The following DACH2 variants were observed in gnomAD, a reference collection of about 807,000 sequenced individuals.
The protein encoded by DACH2 is dachshund homolog 2.
In DACH2, 17 loss-of-function variants were observed where a neutral mutation model predicts 35.8. The observed-to-expected ratio is 0.48, with a 90% CI of 0.33 to 0.71. The LOEUF (loss-of-function observed/expected upper bound fraction) is 0.71. Among genes scored for constraint, DACH2 ranks in the 30% least tolerant of loss-of-function variants. DACH2 has a pLI of 0.02. For missense variants in DACH2, 469 were observed against 472.7 expected (o/e 0.99, Z 0.07); for synonymous variants, 195 against 177.3 (o/e 1.10, Z -0.79).
rs768021567 is a variant in DACH2 at position 86,832,099 on chromosome X, T to A, written c.1751-7T>A. 8.5e-7 allele frequency: 1 copy of A among 1,171,754 alleles called. No homozygotes were observed. Among genetic ancestry groups the A allele is most frequent in the Non-Finnish European group, 1.2e-6 (1 of 863,096 alleles). ...ATAAGAACTAACTTGTTTTCTTTTT[T>A]TTTAAGGAGGTAACTATTACTGTTT... On this transcript the variant is annotated splice_polypyrimidine_tract_variant and splice_region_variant and intron_variant, in intron 11 of 11. Transcript: ENST00000373125.
chrX:86,366,221 T>G (rs1411783694), intron 1 of DACH2, among the ~76,000 whole-genome samples: 1 of 110,822 alleles, frequency 9.0e-6, no homozygotes, highest in Non-Finnish European at 1.9e-5. Context: ...CAATGCACAC[T>G]CATGGGGTTA....
At chrX:86,465,932 A>G (rs1457652043) in intron 2 of DACH2, among the ~76,000 whole-genome samples, 1 of 111,798 alleles carries the variant, frequency 8.9e-6, no homozygotes, top group Non-Finnish European at 1.9e-5. Context: ...TGTACAATCG[A>G]TATGCAAACC....
intron 3 of DACH2, among the ~76,000 whole-genome samples, chrX:86,649,275 A>G (rs1170702714): frequency 9.0e-6 from 1 of 110,918 alleles, no homozygotes; most frequent in Non-Finnish European, 1.9e-5. Context: ...GGAAGCATAT[A>G]TTGTTCACTG....
At chrX:86,604,339 T>A (rs1297148310) in intron 3 of DACH2, among the ~76,000 whole-genome samples, 2 of 111,345 alleles carry the variant, frequency 1.8e-5, no homozygotes, top group Non-Finnish European at 3.8e-5. Context: ...CTTACTTTTA[T>A]GCTGTCTATT....
intron 7 of DACH2, among the ~76,000 whole-genome samples, chrX:86,752,371 A>G (rs1378421244): frequency 9.0e-6 from 1 of 111,656 alleles, no homozygotes; most frequent in Non-Finnish European, 1.9e-5. Context: ...CCAACTTTTC[A>G]TATATCTATT....
intron 4 of DACH2, among the ~76,000 whole-genome samples, chrX:86,667,083 TA>T (rs66948603): frequency 0.29 from 16,106 of 55,615 alleles, 2,416 homozygotes; most frequent in Middle Eastern, 0.45. Context: ...CCATCTCTAC[TA>T]AAAAAAAAAA....
intron 1 of DACH2, among the ~76,000 whole-genome samples, chrX:86,296,118 G>A (rs1361403237): frequency 4.6e-5 from 5 of 109,028 alleles, no homozygotes; most frequent in South Asian, 4.0e-4. Flanking sequence ...GGTGGCTCAC[G>A]CTTGTAATCT....
chrX:86,429,813 T>C (rs2036957347), intron 2 of DACH2, among the ~76,000 whole-genome samples: 1 of 111,962 alleles, frequency 8.9e-6, no homozygotes, highest in African/African-American at 3.2e-5. Flanking sequence ...TCTGCCTGCC[T>C]CAGCCTCCCA....
intron 2 of DACH2, among the ~76,000 whole-genome samples, chrX:86,505,749 T>C (rs971269046): frequency 8.9e-6 from 1 of 112,049 alleles, no homozygotes; most frequent in African/African-American, 3.2e-5. Flanking sequence ...TTTATTTATC[T>C]TTCAATTTTC....
At chrX:86,321,474 ATAAT>A (rs767257544) in intron 1 of DACH2, among the ~76,000 whole-genome samples, 9 of 111,864 alleles carry the variant, frequency 8.0e-5, no homozygotes, top group Non-Finnish European at 1.7e-4. Flanking sequence ...ACAGTTTAGA[ATAAT>A]TAAGAGGTTT....
chrX:86,237,529 T>A lies in DACH2; in HGVS notation c.488+88421T>A, dbSNP rs755993692. 1.9e-3 allele frequency among the ~76,000 whole-genome samples: 215 copies of A among 111,229 alleles called. 1 individual carries two copies. Among genetic ancestry groups the A allele is most frequent in the African/African-American group, 6.7e-3 (206 of 30,602 alleles). Reference sequence around the variant, plus strand: ...GGGATCCCTGGGGTGTGCTTTGTCATCCAGAAACCTCTGTGTCTGGTGGCG... The same window carrying A: ...GGGATCCCTGGGGTGTGCTTTGTCAACCAGAAACCTCTGTGTCTGGTGGCG... On this transcript the variant is annotated intron_variant, in intron 1 of 11. Coordinates refer to ENST00000373125, the MANE Select transcript of DACH2 (RefSeq NM_053281.3).
At chrX:86,492,881 T>G (rs1379793547) in intron 2 of DACH2, among the ~76,000 whole-genome samples, 1 of 112,122 alleles carries the variant, frequency 8.9e-6, no homozygotes, top group Non-Finnish European at 1.9e-5. Context: ...TGATTTTATG[T>G]CTTTGCTATT....
chrX:86,458,246 C>T (rs1387067065), intron 2 of DACH2, among the ~76,000 whole-genome samples: 2 of 111,188 alleles, frequency 1.8e-5, no homozygotes, highest in Non-Finnish European at 3.8e-5. Context: ...TAAAAGTTTC[C>T]AATAAAAAGG....
At position 86,437,767 on chromosome X, in the gene DACH2, C is replaced by T. The variant is rs1370304343; in HGVS notation, c.527+60905C>T. On this transcript the variant is annotated intron_variant, in intron 2 of 11. Coordinates refer to ENST00000373125, the MANE Select transcript of DACH2 (RefSeq NM_053281.3). ...GAGTGCAGATATTGCTTTGCTACACCGGTTTCTTTTCTTTTGGATAAATAA... is the reference window on the plus strand; with the variant it reads ...GAGTGCAGATATTGCTTTGCTACACTGGTTTCTTTTCTTTTGGATAAATAA... Among the ~76,000 whole-genome samples the T allele has an allele frequency of 3.6e-5, 4 of 109,670 alleles. No homozygotes were observed. The South Asian group carries it at 1.1e-3, about 31-fold the overall frequency.
intron 3 of DACH2, among the ~76,000 whole-genome samples, chrX:86,614,275 T>C (rs2039979842): frequency 8.9e-6 from 1 of 111,853 alleles, no homozygotes; most frequent in Admixed American, 9.5e-5. Flanking sequence ...GGAAATCTTA[T>C]ATTCTGCCTC....
At chrX:86,495,749 G>C (rs777107796) in intron 2 of DACH2, among the ~76,000 whole-genome samples, 1 of 109,587 alleles carries the variant, frequency 9.1e-6, no homozygotes, top group African/African-American at 3.3e-5. Context: ...TCAGCCCAAG[G>C]GTTTGAGGCT....
rs369963540 is a variant in DACH2, at chrX:86,669,758, G to A, written c.772+18591G>A. 1.2e-4 allele frequency among the ~76,000 whole-genome samples: 13 copies of A among 111,430 alleles called. No homozygotes were observed. The East Asian group carries it at 2.8e-3, about 24-fold the overall frequency. On this transcript the variant is annotated intron_variant, in intron 4 of 11. Transcript: ENST00000373125. ...TAATAGATTTTGGTGACATCATAAT[G>A]GGTAAGAACACAATGTAATTAGAAT...
intron 1 of DACH2, among the ~76,000 whole-genome samples, chrX:86,316,511 G>C (rs2034909468): frequency 9.0e-6 from 1 of 111,572 alleles, no homozygotes; most frequent in Non-Finnish European, 1.9e-5. Flanking sequence ...TAGAAGGAAA[G>C]TTTTCTGCAG....
chrX:86,587,414 T>C (rs1454090431), intron 3 of DACH2, among the ~76,000 whole-genome samples: 3 of 111,611 alleles, frequency 2.7e-5, no homozygotes, highest in African/African-American at 9.7e-5. Context: ...TTCTTTCTTC[T>C]GCCTGATTGC....
Sources: gnomAD v4.1 joint callset for allele counts (sites outside exome capture counted in the v4.1 genomes callset) on GRCh38, gnomAD v4.1.1 for gene constraint, MANE v1.5 for transcripts, NCBI Gene and HGNC (gene_info 2026-07-23, HGNC 2026-07-21) for gene names.